The following ITGB1BP1 variants were observed in gnomAD, a reference collection of about 807,000 sequenced individuals.
ITGB1BP1 encodes the protein integrin beta-1-binding protein 1.
In ITGB1BP1, 20 loss-of-function variants were observed where a neutral mutation model predicts 28.0. The observed-to-expected ratio is 0.71, with a 90% CI of 0.50 to 1.04. ITGB1BP1 has a LOEUF of 1.04. ITGB1BP1 is among the 50% of genes least tolerant of loss of function. ITGB1BP1 has a pLI of 0.00. For missense variants in ITGB1BP1, 228 were observed against 242.5 expected, an observed-to-expected ratio of 0.94 and a Z score of 0.40; for synonymous variants, 103 against 89.5, an observed-to-expected ratio of 1.15 and a Z score of -0.85.
chr2:9,409,883 T>C (rs183245342), intron 4 of ITGB1BP1, among the ~76,000 whole-genome samples: 146 of 151,282 alleles, frequency 9.7e-4, no homozygotes, highest in Middle Eastern at 3.4e-3. Context: ...CTGCTCTTGT[T>C]GCCCAGGCTG....
chr2:9,419,855 A>T (rs909906903), intron 1 of ITGB1BP1: 1 of 155,866 alleles, frequency 6.4e-6, no homozygotes, highest in Non-Finnish European at 1.4e-5. Context: ...GGGCTCACAG[A>T]AGGTGGGCTG....
intron 4 of ITGB1BP1, among the ~76,000 whole-genome samples, chr2:9,409,352 G>A (rs796111786): frequency 7.9e-5 from 12 of 152,292 alleles, no homozygotes; most frequent in African/African-American, 2.6e-4. Context: ...CTTGCCAATC[G>A]CTTCCCACAG....
rs1450874022 is a variant in ITGB1BP1, at chr2:9,418,872, C to CAAGTGT, written c.-35-141_-35-140insACACTT. On this transcript the variant is annotated intron_variant, in intron 1 of 6. Transcript: ENST00000355346. ...GCTCTGCAGTCTTGACCTCACACCT[C>CAAGTGT]AGCCTCCCCGAGTAGCTGGGACTAC... 1.6e-5 allele frequency: 10 copies of CAAGTGT among 638,050 alleles called. No individual in the cohort carries two copies. The East Asian group carries it at 2.6e-4, about 17-fold the overall frequency. 39.5% of individuals were successfully genotyped at this position (638,050 alleles called of 1,614,324 possible).
intron 2 of ITGB1BP1, among the ~76,000 whole-genome samples, chr2:9,416,408 G>C (rs940768092): frequency 1.3e-5 from 2 of 152,110 alleles, no homozygotes; most frequent in African/African-American, 4.8e-5. Flanking sequence ...CCTCCACCGT[G>C]TGGGCGGGCC....
chr2:9,415,551 G>A lies in ITGB1BP1; in HGVS notation c.73-1295C>T, dbSNP rs750807604. On this transcript the variant is annotated intron_variant, in intron 2 of 6. Coordinates refer to ENST00000355346, the MANE Select transcript of ITGB1BP1 (RefSeq NM_004763.5). The surrounding 1 kb of genome is among the most constrained non-coding windows in gnomAD (Gnocchi z 4.1). ...GCCGAGATCACACCACTGCACTCCA[G>A]CCTGGGCGACAGAGTGAGGCTCCGT... Among the ~76,000 whole-genome samples the A allele has an allele frequency of 2.6e-5, 4 of 152,168 alleles. No homozygotes were observed. The highest frequency in any genetic ancestry group is 5.9e-5 in the Non-Finnish European group (4 of 68,030).
intron 1 of ITGB1BP1, 35 bp from the exon 2 acceptor site, chr2:9,418,767 G>T: frequency 7.3e-7 from 1 of 1,376,364 alleles, no homozygotes; most frequent in Non-Finnish European, 1.0e-6. Context: ...GTTACATCGG[G>T]AAAAGCAACT....
Position 9,406,668 on chromosome 2 carries a change from T to TAATA in ITGB1BP1, c.*162_*165dup, listed in dbSNP as rs1261277853. The TAATA allele has an allele frequency of 1.6e-5, 10 of 629,474 alleles. No individual in the cohort carries two copies. In the East Asian group the frequency reaches 2.5e-4, roughly 16 times the overall value. The allele number at this position is 629,474 out of a possible 1,614,324, so 39.0% of individuals were successfully genotyped here. A position where few individuals can be genotyped will look rare whatever the true frequency, so the allele number is the denominator to read the frequency against. The stretch of plus-strand genomic sequence containing the variant: ...CTTCATTGAGAGTTAACTCACTGTG[T>TAATA]AATAGGACACATTTTAATAAACAAA... On this transcript the variant is annotated 3_prime_UTR_variant, in exon 7 of 7. Transcript: ENST00000355346.
intron 1 of ITGB1BP1, chr2:9,422,709 C>T: frequency 1.0e-6 from 1 of 985,626 alleles, no homozygotes; most frequent in Non-Finnish European, 1.2e-6. Context: ...GGGGAGGTGA[C>T]ACCCCAACAG....
chr2:9,408,281 T>C (rs1447918442), intron 4 of ITGB1BP1, 76 bp from the exon 5 acceptor site: 4 of 896,266 alleles, frequency 4.5e-6, no homozygotes, highest in Non-Finnish European at 7.4e-6. Context: ...TCACTTTGAG[T>C]ATCTGGCCAT....
At chr2:9,410,254 A>T (rs550694573) in intron 4 of ITGB1BP1, among the ~76,000 whole-genome samples, 50 of 151,514 alleles carry the variant, frequency 3.3e-4, no homozygotes, top group African/African-American at 1.1e-3. Flanking sequence ...TTTTTGAGAC[A>T]GTCTTACTGT....
intron 3 of ITGB1BP1, among the ~76,000 whole-genome samples, chr2:9,413,249 T>C (rs928561679): frequency 2.6e-5 from 4 of 152,312 alleles, no homozygotes; most frequent in South Asian, 4.1e-4. Flanking sequence ...GAAAGAGGAA[T>C]TTAGACAAGA....
At chr2:9,422,635 GTGA>G in intron 1 of ITGB1BP1, 1 of 985,614 alleles carries the variant, frequency 1.0e-6, no homozygotes, top group Non-Finnish European at 1.2e-6. Context: ...GCGGAGCTCG[GTGA>G]CTCCTCTGCA....
At chr2:9,420,790 T>A (rs1679734477) in intron 1 of ITGB1BP1, among the ~76,000 whole-genome samples, 1 of 152,248 alleles carries the variant, frequency 6.6e-6, no homozygotes, top group Non-Finnish European at 1.5e-5. Flanking sequence ...TCTGCTGTGA[T>A]CTTCTGGAAT....
intron 5 of ITGB1BP1, 59 bp downstream of exon 5, chr2:9,408,054 A>C (rs898953705): frequency 6.4e-6 from 6 of 932,438 alleles, no homozygotes; most frequent in Non-Finnish European, 1.0e-5. Context: ...GGGGGCTCTT[A>C]ATGGCCTGAA....
chr2:9,421,458 C>T (rs1411030216), intron 1 of ITGB1BP1, among the ~76,000 whole-genome samples: 2 of 152,086 alleles, frequency 1.3e-5, no homozygotes, highest in Admixed American at 6.5e-5. Flanking sequence ...GAGGCCAAGT[C>T]GGGCGGATCA....
At chr2:9,411,794 G>A (rs1409658027) in intron 4 of ITGB1BP1, among the ~76,000 whole-genome samples, 1 of 151,630 alleles carries the variant, frequency 6.6e-6, no homozygotes, top group African/African-American at 2.4e-5. Context: ...TATAATACCA[G>A]CACTTTGGGA....
chr2:9,417,545 A>C (rs1032217686), intron 2 of ITGB1BP1, among the ~76,000 whole-genome samples: 3 of 151,982 alleles, frequency 2.0e-5, no homozygotes, highest in Non-Finnish European at 2.9e-5. Flanking sequence ...CAGCCTCCCA[A>C]GTAGCTGGGA....
At chr2:9,410,631 G>A (rs188192102) in intron 4 of ITGB1BP1, among the ~76,000 whole-genome samples, 1 of 152,142 alleles carries the variant, frequency 6.6e-6, no homozygotes, top group African/African-American at 2.4e-5. Context: ...GTAGAGACAG[G>A]GTTTTGCCAT....
At chr2:9,414,979 G>C (rs1384683204) in intron 2 of ITGB1BP1, among the ~76,000 whole-genome samples, 1 of 152,154 alleles carries the variant, frequency 6.6e-6, no homozygotes, top group East Asian at 1.9e-4. Flanking sequence ...CACAGTGGCT[G>C]ACACCTGTAA....
Sources: gnomAD v4.1 joint callset for allele counts (sites outside exome capture counted in the v4.1 genomes callset) on GRCh38, gnomAD v4.1.1 for gene constraint, Gnocchi (gnomAD v3.1) non-coding constraint, MANE v1.5 for transcripts, NCBI Gene and HGNC (gene_info 2026-07-23, HGNC 2026-07-21) for gene names.